ARMH3: variants seen among roughly 807,000 people sequenced by gnomAD.
ARMH3 encodes the protein armadillo like helical domain containing 3, also known as armadillo-like helical domain-containing protein 3.
Under a neutral mutation model 99.1 loss-of-function variants are expected in ARMH3, and 60 were observed. The ratio of observed to expected loss-of-function variants is 0.61; its 90% CI spans 0.49 to 0.75. ARMH3 has a LOEUF of 0.75. Among genes scored for constraint, ARMH3 ranks in the 30% least tolerant of loss-of-function variants. The pLI is 0.00. For synonymous variants in ARMH3, 285 were observed against 292.8 expected, an observed-to-expected ratio of 0.97 and a Z score of 0.27; for missense variants, 679 against 843.1, an observed-to-expected ratio of 0.81 and a Z score of 2.41.
intron 13 of ARMH3, 28 bp downstream of exon 13, chr10:102,009,346 A>C (rs1292236858): frequency 6.3e-7 from 1 of 1,588,344 alleles, no homozygotes; most frequent in Non-Finnish European, 8.6e-7. Context: ...AGAGAGAAAA[A>C]AACACTGGGA....
At chr10:102,042,861 T>C (rs1176876614) in intron 1 of ARMH3, among the ~76,000 whole-genome samples, 1 of 152,146 alleles carries the variant, frequency 6.6e-6, no homozygotes, top group African/African-American at 2.4e-5. Flanking sequence ...TCACCTGAGG[T>C]TGGGAGTTCG....
intron 24 of ARMH3, among the ~76,000 whole-genome samples, chr10:101,873,741 G>C (rs1429280724): frequency 6.6e-6 from 1 of 152,156 alleles, no homozygotes; most frequent in African/African-American, 2.4e-5. Context: ...ACAATATGTG[G>C]TCTTTTGTGA....
intron 24 of ARMH3, among the ~76,000 whole-genome samples, chr10:101,866,328 G>T (rs2067001521): frequency 6.6e-6 from 1 of 151,980 alleles, no homozygotes; most frequent in African/African-American, 2.4e-5. Context: ...CACACAAAGT[G>T]CCATGAGAGA....
chr10:101,865,086 G>C (rs1434748524), intron 24 of ARMH3, among the ~76,000 whole-genome samples: 1 of 151,680 alleles, frequency 6.6e-6, no homozygotes, highest in Admixed American at 6.6e-5. Flanking sequence ...CATGGTGGTG[G>C]GCGCCTGTAA....
At chr10:101,889,272 C>T in intron 24 of ARMH3, 140 bp downstream of exon 24, 1 of 825,770 alleles carries the variant, frequency 1.2e-6, no homozygotes. Context: ...TATCAACCAA[C>T]CCCACACTAA....
chr10:102,005,819 A>C (rs369003805), intron 14 of ARMH3, among the ~76,000 whole-genome samples: 1 of 152,138 alleles, frequency 6.6e-6, no homozygotes, highest in African/African-American at 2.4e-5. Flanking sequence ...TGAAGGGGAA[A>C]TTTTCACCGT....
intron 24 of ARMH3, among the ~76,000 whole-genome samples, chr10:101,870,273 A>G (rs945055099): frequency 6.6e-6 from 1 of 152,254 alleles, no homozygotes; most frequent in African/African-American, 2.4e-5. Flanking sequence ...ATAAATGAAT[A>G]ACTTCCTTGA....
At chr10:101,943,855 G>C (rs1844350344) in intron 22 of ARMH3, among the ~76,000 whole-genome samples, 1 of 151,436 alleles carries the variant, frequency 6.6e-6, no homozygotes, top group African/African-American at 2.4e-5. Context: ...ACGAGCTCAG[G>C]AGATCGAGAC....
intron 15 of ARMH3, among the ~76,000 whole-genome samples, chr10:101,995,841 TCTC>T (rs1480699474): frequency 6.6e-6 from 1 of 152,210 alleles, no homozygotes; most frequent in Non-Finnish European, 1.5e-5. Flanking sequence ...AGCCCACGCT[TCTC>T]CTTGCAATTG....
chr10:101,987,532 C>A (rs895763172), intron 19 of ARMH3, among the ~76,000 whole-genome samples: 1 of 152,172 alleles, frequency 6.6e-6, no homozygotes, highest in Non-Finnish European at 1.5e-5. Flanking sequence ...AACTGTGGTA[C>A]CAGCCTGCAA....
At chr10:101,974,262 A>C (rs901093363) in intron 20 of ARMH3, among the ~76,000 whole-genome samples, 1 of 152,180 alleles carries the variant, frequency 6.6e-6, no homozygotes, top group African/African-American at 2.4e-5. Context: ...CTGGGTTGGG[A>C]GGAAATCATG....
In ARMH3 at chr10:102,023,538, C is replaced by T; in HGVS notation, c.608G>A (p.Arg203Lys). 1 of 1,614,076 alleles carries T rather than the reference C, an allele frequency of 6.2e-7. No individual in the cohort carries two copies. Among genetic ancestry groups the T allele is most frequent in the Non-Finnish European group, 8.5e-7 (1 of 1,179,996 alleles). ...LQILSHPPSR[R>K]EHGYDAVVLL... ...GACGACAGCATCATACCCATGCTCC[C>T]TACGACTTGGGGGATGGGAAAGTAT... Residue 203 changes from arginine to lysine, a missense_variant, in exon 8 of 26, where the codon AGG (arginine) becomes AAG (lysine). Physicochemically the swap from Arg to Lys is conservative, Grantham distance 26 (BLOSUM62 2). Transcript: ENST00000370033.
intron 8 of ARMH3, among the ~76,000 whole-genome samples, chr10:102,022,810 G>A (rs1362578080): frequency 6.6e-6 from 1 of 151,084 alleles, no homozygotes. Context: ...TCGATCTCCT[G>A]ACCTCGTGAT....
chr10:101,896,752 G>T (rs1212454510), intron 23 of ARMH3, among the ~76,000 whole-genome samples: 1 of 152,148 alleles, frequency 6.6e-6, no homozygotes, highest in African/African-American at 2.4e-5. Flanking sequence ...AGCTCACTGG[G>T]CCATGGACTA....
At chr10:101,892,532 A>G (rs2067719362) in intron 23 of ARMH3, among the ~76,000 whole-genome samples, 1 of 152,162 alleles carries the variant, frequency 6.6e-6, no homozygotes, top group South Asian at 2.1e-4. Context: ...AGCATAACAA[A>G]TCACTATTTT....
At chr10:101,956,777 T>G (rs913177670) in intron 21 of ARMH3, 54 bp from the exon 22 acceptor site, 7 of 1,584,620 alleles carry the variant, frequency 4.4e-6, no homozygotes, top group Non-Finnish European at 5.2e-6. Flanking sequence ...AGACTAAAAA[T>G]TATCAGTGGT....
At chr10:102,035,452 G>A (rs956701293) in intron 2 of ARMH3, among the ~76,000 whole-genome samples, 17 of 152,182 alleles carry the variant, frequency 1.1e-4, no homozygotes, top group Admixed American at 8.5e-4. Flanking sequence ...CTCTGATGCC[G>A]AGCCGAAGCT....
intron 19 of ARMH3, among the ~76,000 whole-genome samples, chr10:101,985,063 A>G (rs796729212): frequency 1.2e-4 from 15 of 129,530 alleles, no homozygotes; most frequent in South Asian, 7.3e-4. Context: ...AAGAGACTCC[A>G]TCTAAAAATA....
rs1301993102 is a variant in ARMH3 at position 101,889,463 on chromosome 10, T to C, written c.1809A>G (p.Lys603=). The C allele has an allele frequency of 6.2e-7, 1 of 1,613,932 alleles. No individual in the cohort carries two copies. ...IRAIINHFNP[K]IESYAAVNHI... is the part of the protein sequence containing the mutation. ...GATTCACAGCAGCGTAGGACTCAAT[T>C]TTGGGGTTAAAGTGGTTGATGATGG... Residue 603 remains lysine, a synonymous_variant, in exon 24 of 26, where the codon AAA becomes AAG. Coordinates refer to ENST00000370033, the MANE Select transcript of ARMH3 (RefSeq NM_024541.3).
Sources: allele counts gnomAD v4.1 joint callset (sites outside exome capture counted in the v4.1 genomes callset), GRCh38; gene constraint gnomAD v4.1.1; transcripts MANE v1.5; gene names NCBI Gene and HGNC (gene_info 2026-07-23, HGNC 2026-07-21).